Variants in RBFOX2 observed in about 807,000 individuals in gnomAD.
RBFOX2 encodes RNA binding fox-1 homolog 2.
In RBFOX2, 10 loss-of-function variants were observed where a neutral mutation model predicts 49.1. The ratio of observed to expected loss-of-function variants is 0.20; its 90% CI spans 0.13 to 0.35. The LOEUF (loss-of-function observed/expected upper bound fraction) is 0.35. Among genes scored for constraint, RBFOX2 ranks in the 10% least tolerant of loss-of-function variants. RBFOX2 has a pLI of 1.00. For missense variants in RBFOX2, 323 were observed against 486.9 expected (o/e 0.66, Z 3.17); for synonymous variants, 183 against 187.4 (o/e 0.98, Z 0.19).
upstream of RBFOX2, among the ~76,000 whole-genome samples, chr22:35,843,590 T>C (rs937173697): frequency 2.1e-4 from 32 of 152,194 alleles, no homozygotes; most frequent in African/African-American, 7.0e-4. Flanking sequence ...TTGTCTGTGG[T>C]ATTTGGCATT....
At chr22:35,855,448 C>T (rs2042402099) in intron 1 of RBFOX2, among the ~76,000 whole-genome samples, 1 of 152,064 alleles carries the variant, frequency 6.6e-6, no homozygotes, top group South Asian at 2.1e-4. Flanking sequence ...ACTCTGTCAC[C>T]CAGGTTGGAG....
chr22:35,804,324 G>T (rs113810633), intron 2 of RBFOX2, among the ~76,000 whole-genome samples: 3,238 of 149,532 alleles, frequency 0.022, 113 homozygotes, highest in African/African-American at 0.076. Context: ...GAAGAGAGAA[G>T]AAAGGAAAAA....
chr22:35,914,719 T>C lies in RBFOX2; in HGVS notation c.-34+24128A>G, dbSNP rs549309697. On this transcript the variant is annotated intron_variant, in intron 1 of 13. Coordinates refer to the RBFOX2 transcript ENST00000359369. ...GAAATCCATTCCTCTACGTGATTGG[T>C]TGGTTCCCAAAGGGGTGGGGAAGAG... 7.9e-5 allele frequency among the ~76,000 whole-genome samples: 12 copies of C among 152,224 alleles called. No individual in the cohort carries two copies. The South Asian group carries it at 2.3e-3, about 29-fold the overall frequency.
intron 1 of RBFOX2, chr22:35,997,772 C>T (rs1461454270): frequency 2.0e-5 from 3 of 152,272 alleles, no homozygotes; most frequent in Non-Finnish European, 4.4e-5. Flanking sequence ...AGGAAGATCG[C>T]TAGAGCCCAG....
chr22:35,914,309 C>CA (rs911038821), intron 1 of RBFOX2, among the ~76,000 whole-genome samples: 54 of 152,298 alleles, frequency 3.5e-4, no homozygotes, highest in African/African-American at 1.2e-3. Context: ...AATAGGCACT[C>CA]AATACAGGTT....
intron 4 of RBFOX2, chr22:35,777,811 T>C: frequency 1.8e-6 from 1 of 553,184 alleles, no homozygotes. Flanking sequence ...CTTCTCTGCT[T>C]CTTACTTCAT....
chr22:35,907,083 A>G lies in RBFOX2; in HGVS notation c.-34+31764T>C, dbSNP rs188617374. On this transcript the variant is annotated intron_variant, in intron 1 of 13. Transcript: ENST00000359369. ...GGGAAGCCGCAGAATGGTCTTCTGT[A>G]TCATGTGGGAGATAAGGCTGGGTCA... 1.1e-3 allele frequency among the ~76,000 whole-genome samples: 167 copies of G among 152,338 alleles called. 1 individual carries two copies. Among genetic ancestry groups the G allele is most frequent in the Admixed American group, 9.1e-3 (140 of 15,302 alleles).
intron 4 of RBFOX2, among the ~76,000 whole-genome samples, chr22:35,770,192 A>G (rs1430257975): frequency 1.3e-5 from 2 of 152,178 alleles, no homozygotes; most frequent in Non-Finnish European, 2.9e-5. Context: ...CTCTAATCCT[A>G]GTGAGTCCTC....
In RBFOX2 at chr22:35,922,583, A is replaced by C. The variant is rs369945126; in HGVS notation, c.-34+16264T>G. ...CTAGACTCCATTTCAAAAAAAAAAA[A>C]AACTAGACATGTCTAAATCAGGACT... On this transcript the variant is annotated intron_variant, in intron 1 of 13. Transcript: ENST00000359369. 2.6e-5 allele frequency among the ~76,000 whole-genome samples: 4 copies of C among 152,210 alleles called. No individual in the cohort carries two copies. The South Asian group carries it at 6.2e-4, about 24-fold the overall frequency.
At chr22:35,774,754 G>A (rs1373510471) in intron 4 of RBFOX2, among the ~76,000 whole-genome samples, 1 of 152,192 alleles carries the variant, frequency 6.6e-6, no homozygotes, top group Non-Finnish European at 1.5e-5. Flanking sequence ...AGGAGGGCAT[G>A]AGCATGGCAG....
At chr22:36,012,115 G>T (rs556606494) in intron 1 of RBFOX2, among the ~76,000 whole-genome samples, 137 of 152,194 alleles carry the variant, frequency 9.0e-4, no homozygotes, top group Non-Finnish European at 1.7e-3. Flanking sequence ...AAACTATCAT[G>T]CATACCACAA....
upstream of RBFOX2, among the ~76,000 whole-genome samples, chr22:35,841,516 T>C (rs1289448464): frequency 1.3e-5 from 2 of 152,124 alleles, no homozygotes; most frequent in Admixed American, 6.5e-5. Flanking sequence ...TTATCACACA[T>C]TCAAATAAAA....
At chr22:35,773,017 T>A (rs568147415) in intron 4 of RBFOX2, among the ~76,000 whole-genome samples, 4 of 139,676 alleles carry the variant, frequency 2.9e-5, no homozygotes, top group South Asian at 4.6e-4. Context: ...ATAAAAAAAA[T>A]ATAAAACTAA....
intron 1 of RBFOX2, among the ~76,000 whole-genome samples, chr22:35,890,020 T>C (rs139009845): frequency 2.0e-5 from 3 of 152,278 alleles, no homozygotes; most frequent in Non-Finnish European, 4.4e-5. Flanking sequence ...AACTGTATCT[T>C]TTGACTCACA....
At chr22:35,991,368 T>C (rs1007173177) in intron 1 of RBFOX2, among the ~76,000 whole-genome samples, 5 of 152,122 alleles carry the variant, frequency 3.3e-5, no homozygotes, top group African/African-American at 1.2e-4. Context: ...TGGCCACAAG[T>C]ATTTACATTC....
At chr22:35,843,803 C>T (rs182405376), upstream of RBFOX2, among the ~76,000 whole-genome samples, 1 of 152,254 alleles carries the variant, frequency 6.6e-6, no homozygotes, top group Admixed American at 6.5e-5. Context: ...TGCATGGTTC[C>T]TAACACAGGC....
At chr22:35,744,851 T>C (rs183768372) in intron 11 of RBFOX2, among the ~76,000 whole-genome samples, 1 of 152,250 alleles carries the variant, frequency 6.6e-6, no homozygotes, top group South Asian at 2.1e-4. Flanking sequence ...CTAGGCTTTA[T>C]TCCTTTATGT....
At chr22:36,027,128 C>A (rs2146620140) in intron 1 of RBFOX2, among the ~76,000 whole-genome samples, 1 of 152,222 alleles carries the variant, frequency 6.6e-6, no homozygotes, top group East Asian at 1.9e-4. Context: ...GGACTTGAAT[C>A]TCCTCCAAAA....
chr22:35,823,921 G>A (rs963855858), intron 1 of RBFOX2, among the ~76,000 whole-genome samples: 7 of 152,064 alleles, frequency 4.6e-5, no homozygotes, highest in Middle Eastern at 3.2e-3. Context: ...AGGCCGAGGC[G>A]GGTGGATCAT....
Sources: gnomAD v4.1 joint callset for allele counts (sites outside exome capture counted in the v4.1 genomes callset) on GRCh38, gnomAD v4.1.1 for gene constraint, MANE v1.5 for transcripts, NCBI Gene and HGNC (gene_info 2026-07-23, HGNC 2026-07-21) for gene names.